Variants in TBCE observed in about 807,000 individuals in gnomAD.
The protein encoded by TBCE is tubulin folding cofactor E.
In TBCE, 53 loss-of-function variants were observed where a neutral mutation model predicts 77.0. The ratio of observed to expected loss-of-function variants is 0.69; its 90% CI spans 0.55 to 0.87. The LOEUF is 0.87. Ranked by LOEUF, TBCE falls within the 40% of genes least tolerant of loss-of-function variation. TBCE has a pLI of 0.00. For synonymous variants in TBCE, 235 were observed against 241.3 expected, an observed-to-expected ratio of 0.97 and a Z score of 0.24; for missense variants, 624 against 622.4, an observed-to-expected ratio of 1.00 and a Z score of -0.03.
In TBCE at chr1:235,449,987, A is replaced by AGAT. The variant is rs1342814080; in HGVS notation, c.*1226_*1228dup. 4 of 413,460 alleles carry AGAT rather than the reference A, an allele frequency of 9.7e-6. No homozygotes were observed. Among genetic ancestry groups the AGAT allele is most frequent in the Non-Finnish European group, 1.7e-5 (4 of 235,946 alleles). The allele number at this position is 413,460 out of a possible 1,614,324, so 25.6% of individuals were successfully genotyped here. On this transcript the variant is annotated 3_prime_UTR_variant, in exon 17 of 17. Coordinates refer to ENST00000642610, the MANE Select transcript of TBCE (RefSeq NM_003193.5). ...GGTATTTTTCTGATAATCTTCCAAT[A>AGAT]GATAAATAAAAACTTTTCTTATGCT... is the stretch of plus-strand genomic sequence containing the variant.
chr1:235,446,761 G>A (rs935072972), intron 15 of TBCE, among the ~76,000 whole-genome samples: 1 of 150,694 alleles, frequency 6.6e-6, no homozygotes, highest in Admixed American at 6.6e-5. Flanking sequence ...ACAGTGGCGC[G>A]ATCATGGCTC....
intron 4 of TBCE, chr1:235,415,625 A>G (rs939647041): frequency 3.3e-5 from 5 of 152,186 alleles, no homozygotes; most frequent in East Asian, 1.9e-4. Context: ...TTTCTTTACT[A>G]TCTTTTGTTA....
intron 5 of TBCE, among the ~76,000 whole-genome samples, chr1:235,419,883 C>T (rs997710228): frequency 5.3e-5 from 8 of 151,784 alleles, no homozygotes; most frequent in South Asian, 2.1e-4. Flanking sequence ...GTTAGGAGAT[C>T]GAGAACATCC....
chr1:235,442,870 C>T lies in TBCE; in HGVS notation c.1358C>T (p.Pro453Leu). 6.2e-7 allele frequency: 1 copy of T among 1,613,954 alleles called. No individual in the cohort carries two copies. Among genetic ancestry groups the T allele is most frequent in the Non-Finnish European group, 8.5e-7 (1 of 1,179,954 alleles). Residue 453 changes from proline (P) to leucine (L), a missense_variant, in exon 15 of 17, where the codon CCT becomes CTT. Physicochemically the swap from Pro to Leu is moderately conservative, Grantham distance 98 (BLOSUM62 -3). Coordinates refer to ENST00000642610, the MANE Select transcript of TBCE (RefSeq NM_003193.5). ...CTTAAAGCACTGAAGATAAAATACC[C>T]TCATCAACTTGATCAGAAAGTCCTG... is the stretch of plus-strand genomic sequence containing the variant. Reference protein sequence around the residue: ...NQLLTLKIKYPHQLDQKVLEK... With the variant: ...NQLLTLKIKYLHQLDQKVLEK...
In TBCE at chr1:235,409,700, G is replaced by T. The variant is rs186962371; in HGVS notation, c.186-4733G>T. Among the ~76,000 whole-genome samples the T allele has an allele frequency of 4.3e-4, 65 of 149,908 alleles. No homozygotes were observed. The East Asian group carries it at 0.011, about 25-fold the overall frequency. ...CATGACTTCTTGTTTTTTTACCATG[G>T]TTTTAAAACTTGTTTATTACCACTG... On this transcript the variant is annotated intron_variant, in intron 3 of 16. Transcript: ENST00000642610.
At chr1:235,370,054 A>G (rs990836980) in intron 1 of TBCE, among the ~76,000 whole-genome samples, 13 of 151,638 alleles carry the variant, frequency 8.6e-5, no homozygotes, top group Admixed American at 7.9e-4. Flanking sequence ...TATTTTGGGG[A>G]CCTTTACCTT....
intron 16 of TBCE, 63 bp from the exon 17 acceptor site, chr1:235,448,607 G>A: frequency 6.9e-7 from 1 of 1,451,754 alleles, no homozygotes; most frequent in Non-Finnish European, 9.7e-7. Flanking sequence ...GGAAGAGTAT[G>A]TGTAGCATGC....
intron 1 of TBCE, among the ~76,000 whole-genome samples, chr1:235,377,723 C>G (rs1677384086): frequency 6.6e-6 from 1 of 150,836 alleles, no homozygotes; most frequent in African/African-American, 2.4e-5. Context: ...TCGATCTCGG[C>G]TCATTGCAAC....
intron 1 of TBCE, among the ~76,000 whole-genome samples, chr1:235,368,924 A>G (rs563303349): frequency 1.3e-5 from 2 of 152,008 alleles, no homozygotes; most frequent in Non-Finnish European, 2.9e-5. Context: ...CTACTGAAAT[A>G]TTTGTCTAGA....
At chr1:235,406,937 G>GGATTCTCCT (rs1249454994) in intron 3 of TBCE, among the ~76,000 whole-genome samples, 1 of 151,060 alleles carries the variant, frequency 6.6e-6, no homozygotes, top group Non-Finnish European at 1.5e-5. Flanking sequence ...CAGGTTCAAG[G>GGATTCTCCT]GATTCTCCTG....
intron 3 of TBCE, among the ~76,000 whole-genome samples, chr1:235,406,781 C>T (rs565575544): frequency 3.3e-5 from 5 of 149,786 alleles, no homozygotes; most frequent in African/African-American, 9.8e-5. Flanking sequence ...CTGCCCACCT[C>T]GGCCTCCCAA....
rs1682903063 is a variant in TBCE, at chr1:235,451,565, G to A, written c.*2803G>A. ...AAACTGCAAAATCAGACCCAGCAAA[G>A]ACTACAGATCCCAGAATTACCAGAT... On this transcript the variant is annotated 3_prime_UTR_variant, in exon 17 of 17. Coordinates refer to ENST00000642610, the MANE Select transcript of TBCE (RefSeq NM_003193.5). 1.3e-5 allele frequency: 2 copies of A among 149,282 alleles called. No homozygotes were observed. The highest frequency in any genetic ancestry group is 3.0e-5 in the Non-Finnish European group (2 of 67,572). 9.2% of individuals were successfully genotyped at this position (149,282 alleles called of 1,614,324 possible).
At position 235,438,777 on chromosome 1, in the gene TBCE, C is replaced by T. The variant is rs762683460; in HGVS notation, c.1125C>T (p.Pro375=). Residue 375 remains proline, a synonymous_variant, in exon 13 of 17, where the codon CCC becomes CCT. Coordinates refer to ENST00000642610, the MANE Select transcript of TBCE (RefSeq NM_003193.5). ...LKTLNKCEIL[P]EERRRAELDY... Reference sequence around the variant, plus strand: ...ATGTCACATGAACATAGATTCTCCCCGAGGAGAGGCGGAGAGCTGAGCTTG... The same window carrying T: ...ATGTCACATGAACATAGATTCTCCCTGAGGAGAGGCGGAGAGCTGAGCTTG... 32 of 1,613,918 alleles carry T rather than the reference C, an allele frequency of 2.0e-5. No individual in the cohort carries two copies. The highest frequency in any genetic ancestry group is 1.8e-4 in the East Asian group (8 of 44,882).
intron 1 of TBCE, among the ~76,000 whole-genome samples, chr1:235,374,859 A>G (rs1338717689): frequency 6.9e-6 from 1 of 144,112 alleles, no homozygotes; most frequent in African/African-American, 2.7e-5. Flanking sequence ...CTGTAGCTAC[A>G]TAGGGCAGTA....
chr1:235,371,058 TTTTTTTTTTTTTTTG>T (rs1676916735), intron 1 of TBCE, among the ~76,000 whole-genome samples: 2 of 123,402 alleles, frequency 1.6e-5, no homozygotes, highest in African/African-American at 6.4e-5. Context: ...TTTTTTTTTT[TTTTTTTTTTTTTTTG>T]AGACAGAGTG....
At chr1:235,400,701 T>G (rs867101573) in intron 2 of TBCE, among the ~76,000 whole-genome samples, 2 of 146,668 alleles carry the variant, frequency 1.4e-5, no homozygotes, top group Non-Finnish European at 1.5e-5. Context: ...TGCCCAGCCT[T>G]TTTTTTTTTT....
intron 3 of TBCE, among the ~76,000 whole-genome samples, chr1:235,407,384 T>A (rs1244553993): frequency 6.6e-6 from 1 of 152,096 alleles, no homozygotes; most frequent in Non-Finnish European, 1.5e-5. Context: ...CCGTGTCCTG[T>A]CTAGTACATT....
chr1:235,385,607 A>G (rs2102824155), intron 2 of TBCE, among the ~76,000 whole-genome samples: 1 of 152,176 alleles, frequency 6.6e-6, no homozygotes, highest in Non-Finnish European at 1.5e-5. Context: ...TTGTTGGTTT[A>G]AAGTCTGTTT....
intron 7 of TBCE, among the ~76,000 whole-genome samples, chr1:235,432,169 G>A (rs1438951820): frequency 2.0e-5 from 3 of 151,134 alleles, no homozygotes; most frequent in Non-Finnish European, 3.0e-5. Flanking sequence ...TTTTTAGTAG[G>A]GACAGGGTTT....
Sources: allele counts gnomAD v4.1 joint callset (sites outside exome capture counted in the v4.1 genomes callset), GRCh38; gene constraint gnomAD v4.1.1; transcripts MANE v1.5; gene names NCBI Gene and HGNC (gene_info 2026-07-23, HGNC 2026-07-21).